Variants in TBCK observed in about 807,000 individuals in gnomAD.
The protein encoded by TBCK is TBC domain-containing protein kinase-like protein.
A neutral mutation model predicts 113.4 loss-of-function variants in TBCK; 99 were observed. The observed-to-expected ratio is 0.87, with a 90% confidence interval of 0.74 to 1.03. The LOEUF (loss-of-function observed/expected upper bound fraction) is 1.03. TBCK is among the 50% of genes least tolerant of loss of function. The pLI, the probability that TBCK is intolerant of heterozygous loss-of-function variation, is 0.00. For missense variants in TBCK, 1,045 were observed against 1,061.3 expected (o/e 0.98, Z 0.21); for synonymous variants, 369 against 370.8 (o/e 1.00, Z 0.05).
rs760854488 is a variant in TBCK at position 106,193,596 on chromosome 4, T to C, written c.2059+13A>G. The C allele has an allele frequency of 1.2e-6, 2 of 1,611,250 alleles. No individual in the cohort carries two copies. Among genetic ancestry groups the C allele is most frequent in the Non-Finnish European group, 1.7e-6 (2 of 1,178,808 alleles). ...AAATTTCATTTAATGGCTCCATTTA[T>C]TTAGATCTATACCTGGTAAATCGGA... On this transcript the variant is annotated intron_variant, in intron 22 of 25. Coordinates refer to ENST00000394708, the MANE Select transcript of TBCK (RefSeq NM_001163435.3).
At chr4:106,240,678 T>A (rs554422811) in intron 12 of TBCK, among the ~76,000 whole-genome samples, 22 of 152,170 alleles carry the variant, frequency 1.4e-4, no homozygotes, top group Non-Finnish European at 2.5e-4. Context: ...ATACTTAAGA[T>A]CTATACATTT....
chr4:106,241,048 C>T (rs1052873041), intron 12 of TBCK, among the ~76,000 whole-genome samples: 2 of 151,894 alleles, frequency 1.3e-5, no homozygotes, highest in African/African-American at 4.8e-5. Flanking sequence ...CATATCAATG[C>T]TTGATGTAGG....
chr4:106,280,045 C>T (rs1056868601), intron 3 of TBCK, among the ~76,000 whole-genome samples: 2 of 152,102 alleles, frequency 1.3e-5, no homozygotes, highest in Non-Finnish European at 2.9e-5. Context: ...ATTTACATTC[C>T]ACCAATAGCG....
At chr4:106,172,033 T>C (rs184534172) in intron 22 of TBCK, among the ~76,000 whole-genome samples, 1 of 152,188 alleles carries the variant, frequency 6.6e-6, no homozygotes, top group East Asian at 1.9e-4. Context: ...GGTTTCGCCA[T>C]GTTGCCCAGG....
chr4:106,046,552 A>C lies in TBCK; in HGVS notation c.*18T>G, dbSNP rs758363541. On this transcript the variant is annotated 3_prime_UTR_variant, in exon 26 of 26. Transcript: ENST00000394708. ...TGCTGATGCCACACTAAGTTTTGGC[A>C]GTCACACTCTTGGTTCTTCATATTT... 3 of 1,419,248 alleles carry C rather than the reference A, an allele frequency of 2.1e-6. No individual in the cohort carries two copies. The African/African-American group carries it at 4.2e-5, about 20-fold the overall frequency. The allele number at this position is 1,419,248 out of a possible 1,614,324, so 87.9% of individuals were successfully genotyped here. A position where few individuals can be genotyped will look rare whatever the true frequency, so the allele number is the denominator to read the frequency against.
At chr4:106,292,809 T>C (rs1294054427) in intron 3 of TBCK, among the ~76,000 whole-genome samples, 1 of 152,184 alleles carries the variant, frequency 6.6e-6, no homozygotes, top group South Asian at 2.1e-4. Context: ...TGCTTCCTTA[T>C]GTGACATATT....
chr4:106,118,254 T>TA (rs1268045951), intron 23 of TBCK, among the ~76,000 whole-genome samples: 2 of 152,100 alleles, frequency 1.3e-5, no homozygotes, highest in African/African-American at 2.4e-5. Flanking sequence ...TAGATTTATT[T>TA]AAAAAAATGG....
chr4:106,143,003 T>C (rs543914760), intron 23 of TBCK, among the ~76,000 whole-genome samples: 11 of 152,212 alleles, frequency 7.2e-5, no homozygotes, highest in Non-Finnish European at 1.5e-4. Flanking sequence ...AGCTACTAGC[T>C]TGGGACAATC....
At chr4:106,190,344 C>A (rs747674888) in intron 22 of TBCK, among the ~76,000 whole-genome samples, 4 of 152,248 alleles carry the variant, frequency 2.6e-5, no homozygotes, top group Middle Eastern at 3.4e-3. Context: ...ATTTACTTGG[C>A]AGCACTTTTG....
intron 25 of TBCK, among the ~76,000 whole-genome samples, chr4:106,079,593 TCTAA>T (rs1738622530): frequency 1.3e-5 from 2 of 152,138 alleles, no homozygotes; most frequent in African/African-American, 4.8e-5. Context: ...TAGGAATATA[TCTAA>T]CTAAGAAGGT....
At chr4:106,292,131 G>C (rs1765785814) in intron 3 of TBCK, among the ~76,000 whole-genome samples, 1 of 152,092 alleles carries the variant, frequency 6.6e-6, no homozygotes, top group Middle Eastern at 3.2e-3. Flanking sequence ...ACGGCTTTCT[G>C]GTTTCACTTC....
intron 22 of TBCK, among the ~76,000 whole-genome samples, chr4:106,183,956 C>A (rs555267945): frequency 5.5e-4 from 83 of 152,052 alleles, no homozygotes; most frequent in Admixed American, 1.5e-3. Flanking sequence ...CCTTTATGCT[C>A]CTAGCAGGTA....
chr4:106,264,691 G>A (rs114229320), intron 3 of TBCK, among the ~76,000 whole-genome samples: 326 of 152,022 alleles, frequency 2.1e-3, no homozygotes, highest in South Asian at 0.017. Flanking sequence ...CAGTCATCAA[G>A]ATTTAACGGA....
At chr4:106,226,234 T>C (rs1295577837) in intron 19 of TBCK, among the ~76,000 whole-genome samples, 1 of 152,242 alleles carries the variant, frequency 6.6e-6, no homozygotes, top group Non-Finnish European at 1.5e-5. Context: ...GGAAATTCAT[T>C]ATTAATATAC....
intron 24 of TBCK, among the ~76,000 whole-genome samples, chr4:106,099,584 T>C (rs532063167): frequency 3.9e-5 from 6 of 152,198 alleles, no homozygotes; most frequent in Non-Finnish European, 4.4e-5. Flanking sequence ...TTAGATATCA[T>C]GATTTTCTTT....
intron 5 of TBCK, among the ~76,000 whole-genome samples, chr4:106,258,352 C>T (rs745979733): frequency 6.6e-6 from 1 of 152,018 alleles, no homozygotes; most frequent in Non-Finnish European, 1.5e-5. Context: ...TAACATTTTA[C>T]TTTGTTGTTC....
At chr4:106,090,525 C>T (rs1422692060) in intron 25 of TBCK, among the ~76,000 whole-genome samples, 1 of 152,160 alleles carries the variant, frequency 6.6e-6, no homozygotes, top group Non-Finnish European at 1.5e-5. Flanking sequence ...CTGTAGCCTG[C>T]TTGGATTTTT....
chr4:106,103,092 T>G (rs937353595), intron 24 of TBCK, among the ~76,000 whole-genome samples: 4 of 152,202 alleles, frequency 2.6e-5, no homozygotes, highest in African/African-American at 9.6e-5. Flanking sequence ...GAAATTTTTA[T>G]TAAAAAGATT....
At chr4:106,113,555 T>C (rs555986668) in intron 24 of TBCK, among the ~76,000 whole-genome samples, 1 of 152,100 alleles carries the variant, frequency 6.6e-6, no homozygotes, top group Non-Finnish European at 1.5e-5. Context: ...CAGGTCCTCT[T>C]TGGATTCCAG....
Sources: allele counts gnomAD v4.1 joint callset (sites outside exome capture counted in the v4.1 genomes callset), GRCh38; gene constraint gnomAD v4.1.1; transcripts MANE v1.5; gene names NCBI Gene and HGNC (gene_info 2026-07-23, HGNC 2026-07-21).